The following SACS variants were observed in gnomAD, a reference collection of about 807,000 sequenced individuals.
SACS encodes the protein sacsin molecular chaperone, also known as sacsin.
Under a neutral mutation model 348.0 loss-of-function variants are expected in SACS, and 197 were observed. That is an observed-to-expected ratio of 0.57 (90% confidence interval 0.50 to 0.64). The LOEUF is 0.64. Ranked by LOEUF, SACS falls within the 30% of genes least tolerant of loss-of-function variation. The probability of loss-of-function intolerance (pLI) is 0.00; values close to 1 mark genes in which losing one functional copy is unlikely to be tolerated. For missense variants in SACS, 4,999 were observed against 5,360.8 expected (o/e 0.93, Z 2.11); for synonymous variants, 1,985 against 1,910.6 (o/e 1.04, Z -1.02).
intron 1 of SACS, among the ~76,000 whole-genome samples, chr13:23,426,200 T>G (rs1052341669): frequency 6.6e-6 from 1 of 152,122 alleles, no homozygotes; most frequent in Non-Finnish European, 1.5e-5. Context: ...GAGACAGGTC[T>G]CAGTTAATTT....
At chr13:23,385,069 G>T (rs1872230988) in intron 2 of SACS, among the ~76,000 whole-genome samples, 1 of 151,894 alleles carries the variant, frequency 6.6e-6, no homozygotes, top group East Asian at 1.9e-4. Context: ...AGAACATCCT[G>T]GCTAACACGG....
chr13:23,402,692 C>T (rs541057230), intron 2 of SACS, among the ~76,000 whole-genome samples: 126 of 152,280 alleles, frequency 8.3e-4, no homozygotes, highest in African/African-American at 2.9e-3. Context: ...TTACAAAGCC[C>T]TCTCGGGAAA....
intron 7 of SACS, 21 bp downstream of exon 7, chr13:23,358,314 C>T: frequency 1.2e-6 from 2 of 1,611,156 alleles, no homozygotes; most frequent in African/African-American, 1.3e-5. Context: ...AATACCAAGA[C>T]CGAAAAGCCT....
Position 23,411,497 on chromosome 13 carries a change from T to C in SACS, c.-258A>G, listed in dbSNP as rs2137962986. 3.7e-6 allele frequency: 2 copies of C among 535,200 alleles called. No homozygotes were observed. The highest frequency in any genetic ancestry group is 6.6e-6 in the Non-Finnish European group (2 of 303,600). The allele number at this position is 535,200 out of a possible 1,614,324, so 33.2% of individuals were successfully genotyped here. On this transcript the variant is annotated 5_prime_UTR_variant, in exon 2 of 10. The change abolishes an upstream ATG in the 5' untranslated region. Coordinates refer to ENST00000382292, the MANE Select transcript of SACS (RefSeq NM_014363.6). ...GGTTGCCTGCTGATCCAGCGACCCA[T>C]GGAAGTTCTCAGGATAAAACAGTGT...
chr13:23,405,834 T>C (rs1873180164), intron 2 of SACS, among the ~76,000 whole-genome samples: 1 of 151,926 alleles, frequency 6.6e-6, no homozygotes, highest in Non-Finnish European at 1.5e-5. Flanking sequence ...AAAACCAAAA[T>C]GAGATACTGT....
Position 23,340,047 on chromosome 13 carries a change from A to T in SACS, c.3829T>A (p.Trp1277Arg). Residue 1277 changes from tryptophan to arginine, a missense_variant, in exon 10 of 10, where the codon TGG becomes AGG. Around this residue, in one of 6 missense-constraint regions of SACS, gnomAD observed 3,156 missense variants for 3,380.1 expected, o/e 0.93. Coordinates refer to ENST00000382292, the MANE Select transcript of SACS (RefSeq NM_014363.6). Reference sequence around the variant, plus strand: ...CAAAACTTTTTGCCAGTCCAAACCCATGGAAATTTTAAGGCTCTAAAAGAA... The same window carrying T: ...CAAAACTTTTTGCCAGTCCAAACCCTTGGAAATTTTAAGGCTCTAAAAGAA... ...KDSFRALKFP[W>R]VWTGKKFCPL... 1 of 1,614,074 alleles carries T rather than the reference A, an allele frequency of 6.2e-7. No individual in the cohort carries two copies. Among genetic ancestry groups the T allele is most frequent in the South Asian group, 1.1e-5 (1 of 91,050 alleles).
chr13:23,430,025 T>A (rs750748754), intron 1 of SACS, among the ~76,000 whole-genome samples: 1 of 151,924 alleles, frequency 6.6e-6, no homozygotes, highest in Non-Finnish European at 1.5e-5. Flanking sequence ...CTGGGCAACA[T>A]GGTGAAACTC....
At chr13:23,403,730 G>A (rs951774371) in intron 2 of SACS, among the ~76,000 whole-genome samples, 1 of 151,812 alleles carries the variant, frequency 6.6e-6, no homozygotes, top group Admixed American at 6.6e-5. Context: ...GGGTTTTTTT[G>A]TGTCTCTATC....
At chr13:23,368,687 GTTGTT>G (rs199880714) in intron 4 of SACS, among the ~76,000 whole-genome samples, 200 bp from the exon 5 acceptor site, 144 of 152,218 alleles carry the variant, frequency 9.5e-4, no homozygotes, top group African/African-American at 2.6e-3. Context: ...CAAATCTCAA[GTTGTT>G]TTGTTTTGTT....
chr13:23,339,660 C>T lies in SACS; in HGVS notation c.4216G>A (p.Asp1406Asn), dbSNP rs1178355091. Residue 1406 changes from aspartate (D) to asparagine (N), a missense_variant, in exon 10 of 10, where the codon GAT becomes AAT. By Grantham distance (23) the Asp-to-Asn change is conservative. Around this residue, in one of 6 missense-constraint regions of SACS, gnomAD observed 3,156 missense variants for 3,380.1 expected, o/e 0.93. Coordinates refer to ENST00000382292, the MANE Select transcript of SACS (RefSeq NM_014363.6). Reference sequence around the variant, plus strand: ...TCTTCAAGTAAGTCATTAAGGTCATCAACTTTAATGTCACAATAACAGCAT... The same window carrying T: ...TCTTCAAGTAAGTCATTAAGGTCATTAACTTTAATGTCACAATAACAGCAT... ...HECCYCDIKVDDLNDLLEDSV... is the reference protein window; with the variant it reads ...HECCYCDIKVNDLNDLLEDSV... The T allele has an allele frequency of 2.2e-5, 36 of 1,613,506 alleles. No individual in the cohort carries two copies. Among genetic ancestry groups the T allele is most frequent in the Non-Finnish European group, 3.1e-5 (36 of 1,179,740 alleles).
At chr13:23,353,405 T>C (rs1870100074) in intron 9 of SACS, among the ~76,000 whole-genome samples, 1 of 152,216 alleles carries the variant, frequency 6.6e-6, no homozygotes, top group South Asian at 2.1e-4. Flanking sequence ...GTCTTGATCT[T>C]AACCTTTCTC....
In SACS at chr13:23,330,138, A is replaced by G; in HGVS notation, c.13738T>C (p.Ter4580ArgextTer29). The change falls in exon 10 of 10, where the codon TGA becomes CGA. Residue 4580 changes from the stop codon to arginine (R), a stop_lost. Coordinates refer to ENST00000382292, the MANE Select transcript of SACS (RefSeq NM_014363.6). ...ACCTTTTTTTTCGTTAAATATCTTC[A>G]CACTTTTTGTTGCATAAAATTTTCA... ...KLENFMQQKV[*>R] 6.2e-7 allele frequency: 1 copy of G among 1,613,168 alleles called. No individual in the cohort carries two copies. Among genetic ancestry groups the G allele is most frequent in the Non-Finnish European group, 8.5e-7 (1 of 1,179,280 alleles).
chr13:23,413,363 T>C (rs994414879), intron 1 of SACS, among the ~76,000 whole-genome samples: 1 of 152,226 alleles, frequency 6.6e-6, no homozygotes, highest in Admixed American at 6.5e-5. Context: ...CTTCATAATT[T>C]TCAAGATGTT....
chr13:23,330,090 G>A lies in SACS; in HGVS notation c.*46C>T, dbSNP rs777493968. On this transcript the variant is annotated 3_prime_UTR_variant, in exon 10 of 10. Coordinates refer to ENST00000382292, the MANE Select transcript of SACS (RefSeq NM_014363.6). ...CTTAATGAAGTACAGCAATTTATTC[G>A]TGCTACAACACATTCAAGATCTACC... The A allele has an allele frequency of 9.1e-6, 14 of 1,532,802 alleles. No homozygotes were observed. In the East Asian group the frequency reaches 1.1e-4, roughly 12 times the overall value. The allele number at this position is 1,532,802 out of a possible 1,614,324, so 95.0% of individuals were successfully genotyped here. A position where few individuals can be genotyped will look rare whatever the true frequency, so the allele number is the denominator to read the frequency against.
intron 2 of SACS, among the ~76,000 whole-genome samples, chr13:23,400,431 A>T (rs545147970): frequency 1.3e-5 from 2 of 151,960 alleles, no homozygotes; most frequent in South Asian, 2.1e-4. Context: ...ATTTTATTTT[A>T]TTTTTTTGAG....
chr13:23,423,222 T>C (rs1000039874), intron 1 of SACS, among the ~76,000 whole-genome samples: 2 of 152,184 alleles, frequency 1.3e-5, no homozygotes, highest in African/African-American at 4.8e-5. Flanking sequence ...CAGAGGCTAT[T>C]AGGTCTATAT....
intron 2 of SACS, among the ~76,000 whole-genome samples, chr13:23,382,210 G>A (rs1872086087): frequency 1.3e-5 from 2 of 152,284 alleles, no homozygotes; most frequent in South Asian, 4.1e-4. Flanking sequence ...CTGGAGTGCA[G>A]TGGTGTGATC....
In SACS at chr13:23,355,832, T is replaced by A; in HGVS notation, c.780A>T (p.Thr260=). Residue 260 remains threonine, a synonymous_variant, in exon 8 of 10, where the codon ACA becomes ACT. Coordinates refer to ENST00000382292, the MANE Select transcript of SACS (RefSeq NM_014363.6). The part of the protein sequence containing the change: ...FVGIFGSTKE[T]FINGNFPGTF... ...TTCCTGGAAAATTGCCGTTTATAAA[T>A]GTTTCCTTGGTGCTTCCAAAAATGC... 6.2e-7 allele frequency: 1 copy of A among 1,614,240 alleles called. No homozygotes were observed. Among genetic ancestry groups the A allele is most frequent in the Non-Finnish European group, 8.5e-7 (1 of 1,180,044 alleles).
rs780746393 is a variant in SACS at position 23,334,357 on chromosome 13, A to C, written c.9519T>G (p.Phe3173Leu). Residue 3173 changes from phenylalanine (F) to leucine (L), a missense_variant, in exon 10 of 10, where the codon TTT (phenylalanine) becomes TTG (leucine). Phe to Leu is a conservative substitution (Grantham distance 22). Coordinates refer to ENST00000382292, the MANE Select transcript of SACS (RefSeq NM_014363.6). ...LQTFDAKRPK[F>L]LTTYHELIPS... ...GAATCAATTCATGATATGTTGTTAG[A>C]AACTTGGGTCGTTTTGCATCAAAAG... 7 of 1,612,532 alleles carry C rather than the reference A, an allele frequency of 4.3e-6. No homozygotes were observed. The highest frequency in any genetic ancestry group is 5.9e-6 in the Non-Finnish European group (7 of 1,179,216).
Sources: gnomAD v4.1 joint callset for allele counts (sites outside exome capture counted in the v4.1 genomes callset) on GRCh38, gnomAD v4.1.1 for gene constraint, gnomAD v4.1.1 regional missense constraint, MANE v1.5 for transcripts, NCBI Gene and HGNC (gene_info 2026-07-23, HGNC 2026-07-21) for gene names.